AKAP1: variants seen among roughly 807,000 people sequenced by gnomAD.
AKAP1 encodes A-kinase anchoring protein 1.
Under a neutral mutation model 79.8 loss-of-function variants are expected in AKAP1, and 32 were observed. The ratio of observed to expected loss-of-function variants is 0.40; its 90% CI spans 0.30 to 0.54. AKAP1 has a LOEUF of 0.54. AKAP1 is among the 20% of genes least tolerant of loss of function. The pLI is 0.47. For missense variants in AKAP1, 961 were observed against 1,138.9 expected, an observed-to-expected ratio of 0.84 and a Z score of 2.25; for synonymous variants, 416 against 466.7, an observed-to-expected ratio of 0.89 and a Z score of 1.40.
At chr17:57,117,269 A>C (rs1208152752) in intron 8 of AKAP1, among the ~76,000 whole-genome samples, 1 of 152,214 alleles carries the variant, frequency 6.6e-6, no homozygotes, top group African/African-American at 2.4e-5. Context: ...GATACTGCTC[A>C]GCCAGGCCAT....
intron 1 of AKAP1, 117 bp from the exon 2 acceptor site, chr17:57,105,324 G>C: frequency 1.0e-6 from 1 of 971,244 alleles, no homozygotes; most frequent in Non-Finnish European, 1.6e-6. Flanking sequence ...GGAGGGCAGG[G>C]AAGGCGGAGG....
intron 1 of AKAP1, among the ~76,000 whole-genome samples, chr17:57,098,732 CA>C (rs1038688575): frequency 2.0e-5 from 3 of 150,660 alleles, no homozygotes; most frequent in Non-Finnish European, 4.4e-5. Flanking sequence ...GAGAGTGGCT[CA>C]GGGGTGAGGG....
rs533544374 is a variant in AKAP1, at chr17:57,120,551, A to T, written c.*227A>T. ...TAGTGTTTAACAAGCCAGCTGGCTT[A>T]TGCTGGTTCTCAGCTGTTTAAAAAA... On this transcript the variant is annotated 3_prime_UTR_variant, in exon 11 of 11. Transcript: ENST00000337714. 4 of 372,492 alleles carry T rather than the reference A, an allele frequency of 1.1e-5. No individual in the cohort carries two copies. The highest frequency in any genetic ancestry group is 1.9e-5 in the Non-Finnish European group (4 of 208,312). 23.1% of individuals were successfully genotyped at this position (372,492 alleles called of 1,614,324 possible). A position where few individuals can be genotyped will look rare whatever the true frequency, so the allele number is the denominator to read the frequency against.
Position 57,105,924 on chromosome 17 carries a change from G to T in AKAP1, c.460G>T (p.Gly154Cys), listed in dbSNP as rs757577631. Residue 154 changes from glycine (G) to cysteine (C), a missense_variant, in exon 2 of 11, where the codon GGT becomes TGT. Gly to Cys is a radical substitution (Grantham distance 159). This residue lies in a region of AKAP1 where 224 missense variants were observed against 210.2 expected (regional missense o/e 1.07). Coordinates refer to ENST00000337714, the MANE Select transcript of AKAP1 (RefSeq NM_003488.4). The part of the protein sequence containing the change: ...PLECPLSSPK[G>C]VLFSSKSAEV... ...AGAGTGCCCCCTTTCATCCCCAAAG[G>T]GTGTACTATTCTCCAGCAAATCAGC... 2 of 1,614,226 alleles carry T rather than the reference G, an allele frequency of 1.2e-6. No homozygotes were observed. The highest frequency in any genetic ancestry group is 8.5e-7 in the Non-Finnish European group (1 of 1,180,050).
intron 1 of AKAP1, chr17:57,096,607 G>A (rs985345492): frequency 3.3e-5 from 5 of 152,244 alleles, no homozygotes; most frequent in African/African-American, 1.2e-4. Flanking sequence ...GAGGATGAAG[G>A]TAACAGTCCT....
chr17:57,108,294 T>C (rs781746225), intron 2 of AKAP1, among the ~76,000 whole-genome samples: 3 of 152,220 alleles, frequency 2.0e-5, no homozygotes, highest in African/African-American at 4.8e-5. Flanking sequence ...ACTGTTTTTA[T>C]GTACCTTGGA....
chr17:57,103,332 G>A (rs552489324), intron 1 of AKAP1, among the ~76,000 whole-genome samples: 1 of 152,312 alleles, frequency 6.6e-6, no homozygotes, highest in South Asian at 2.1e-4. Context: ...ACACCTCTTA[G>A]CATTCCTTCA....
At chr17:57,110,694 CTG>C (rs1300237592) in intron 3 of AKAP1, among the ~76,000 whole-genome samples, 1 of 152,192 alleles carries the variant, frequency 6.6e-6, no homozygotes, top group Non-Finnish European at 1.5e-5. Context: ...TTAAACAAAA[CTG>C]AGATTATGTC....
rs781325237 is a variant in AKAP1, at chr17:57,107,198, G to A, written c.1714+20G>A. The stretch of plus-strand genomic sequence containing the variant: ...CAGGAGGTAGGAGGGTCTCGGGTTC[G>A]TTTAGAGGATGGGGCGCTCCCAGTA... On this transcript the variant is annotated intron_variant, in intron 2 of 10. Transcript: ENST00000337714. 10 of 1,573,332 alleles carry A rather than the reference G, an allele frequency of 6.4e-6. No homozygotes were observed. The African/African-American group carries it at 8.1e-5, about 13-fold the overall frequency.
chr17:57,119,830 C>CT (rs3054874), intron 10 of AKAP1, among the ~76,000 whole-genome samples: 1,736 of 70,292 alleles, frequency 0.025, 369 homozygotes, highest in African/African-American at 0.084. Flanking sequence ...CCCTGTTACT[C>CT]TTTTTTTTTT....
chr17:57,102,636 C>CT (rs1044522567), intron 1 of AKAP1, among the ~76,000 whole-genome samples: 1,986 of 148,132 alleles, frequency 0.013, 48 homozygotes, highest in African/African-American at 0.045. Flanking sequence ...GGCTCTCTCT[C>CT]TTTTTTTTTT....
At chr17:57,105,305 G>A in intron 1 of AKAP1, 136 bp from the exon 2 acceptor site, 1 of 813,172 alleles carries the variant, frequency 1.2e-6, no homozygotes, top group African/African-American at 1.7e-5. Flanking sequence ...TGAGAGGTGT[G>A]CTCCTCTTGG....
chr17:57,102,350 GGTA>G (rs1445814550), intron 1 of AKAP1, among the ~76,000 whole-genome samples: 1 of 152,140 alleles, frequency 6.6e-6, no homozygotes, highest in African/African-American at 2.4e-5. Flanking sequence ...TCTCCGGAAA[GGTA>G]GTACAGACTT....
At chr17:57,111,762 C>T in intron 3 of AKAP1, 36 bp from the exon 4 acceptor site, 1 of 1,612,218 alleles carries the variant, frequency 6.2e-7, no homozygotes, top group Non-Finnish European at 8.5e-7. Context: ...ATTGGTTTCC[C>T]TTTAACCCTC....
rs1913427079 is a variant in AKAP1, at chr17:57,086,052, T to C, written c.-25+654T>C. The C allele has an allele frequency of 5.0e-6, 1 of 199,680 alleles. No homozygotes were observed. Among genetic ancestry groups the C allele is most frequent in the Admixed American group, 5.4e-5 (1 of 18,410 alleles). The allele number at this position is 199,680 out of a possible 1,614,324, so 12.4% of individuals were successfully genotyped here. ...ACCGTGTTTCGGGCTGAGGGACCGTTCGAACCGAATTGGGGTCTGGAGGTC... is the reference window on the plus strand; with the variant it reads ...ACCGTGTTTCGGGCTGAGGGACCGTCCGAACCGAATTGGGGTCTGGAGGTC... On this transcript the variant is annotated intron_variant, in intron 1 of 10. Coordinates refer to ENST00000337714, the MANE Select transcript of AKAP1 (RefSeq NM_003488.4). This position sits in a 1 kb window ranked among gnomAD's most constrained non-coding sequence, Gnocchi z 5.1.
At chr17:57,095,502 C>T (rs1303353837) in intron 1 of AKAP1, 2 of 141,528 alleles carry the variant, frequency 1.4e-5, no homozygotes, top group African/African-American at 5.2e-5. Context: ...CCCTCCACTA[C>T]TCCCCGCCAA....
chr17:57,118,241 G>T, intron 8 of AKAP1, 140 bp from the exon 9 acceptor site: 1 of 718,354 alleles, frequency 1.4e-6, no homozygotes, highest in Non-Finnish European at 2.4e-6. Context: ...CTCTGACCTG[G>T]GTGGATCTCC....
At chr17:57,112,464 T>C in intron 4 of AKAP1, 27 bp from the exon 5 acceptor site, 1 of 1,607,282 alleles carries the variant, frequency 6.2e-7, no homozygotes, top group African/African-American at 1.3e-5. Flanking sequence ...ACAGTGATTG[T>C]ATGTCCTGCC....
At chr17:57,099,765 A>T (rs911401341) in intron 1 of AKAP1, among the ~76,000 whole-genome samples, 13 of 152,200 alleles carry the variant, frequency 8.5e-5, no homozygotes, top group Middle Eastern at 3.4e-3. Context: ...TGCAGTGGTG[A>T]TTCTGTGCAT....
Sources: gnomAD v4.1 joint callset for allele counts (sites outside exome capture counted in the v4.1 genomes callset) on GRCh38, gnomAD v4.1.1 for gene constraint, gnomAD v4.1.1 regional missense constraint, Gnocchi (gnomAD v3.1) non-coding constraint, MANE v1.5 for transcripts, NCBI Gene and HGNC (gene_info 2026-07-23, HGNC 2026-07-21) for gene names.